CFAP43: variants seen among roughly 807,000 people sequenced by gnomAD.
The protein encoded by CFAP43 is cilia and flagella associated protein 43.
Under a neutral mutation model 218.9 loss-of-function variants are expected in CFAP43, and 155 were observed. The ratio of observed to expected loss-of-function variants is 0.71; its 90% CI spans 0.62 to 0.81. The LOEUF (loss-of-function observed/expected upper bound fraction) is 0.81, where lower values mean the gene tolerates loss of function less well. CFAP43 is among the 30% of genes least tolerant of loss of function. The pLI is 0.00. For synonymous variants in CFAP43, 645 were observed against 681.3 expected (o/e 0.95, Z 0.83); for missense variants, 1,778 against 1,954.3 (o/e 0.91, Z 1.70).
At chr10:104,162,296 G>T (rs373453275) in intron 25 of CFAP43, 21 bp downstream of exon 25, 9 of 1,587,156 alleles carry the variant, frequency 5.7e-6, no homozygotes, top group Middle Eastern at 1.7e-4. Flanking sequence ...CTTAGGACCT[G>T]TGTTAAGCAA....
Position 104,131,472 on chromosome 10 carries a change from TC to T in CFAP43, c.4689del (p.Asn1564MetfsTer21), listed in dbSNP as rs2087189846. On this transcript the variant is annotated frameshift_variant, in exon 37 of 38. Transcript: ENST00000357060. LOFTEE classifies it high-confidence loss of function. ...TIAVLDKMHK[K>X]NVENCKKLLK... is the part of the protein sequence containing the mutation. ...AGTAGTTTCTTGCAGTTTTCCACATTCTTTTTGTGCATCTGAAATTTTTGTT... is the reference window on the plus strand; with the variant it reads ...AGTAGTTTCTTGCAGTTTTCCACATTTTTTTGTGCATCTGAAATTTTTGTT... 1 of 1,607,482 alleles carries T rather than the reference TC, an allele frequency of 6.2e-7. No individual in the cohort carries two copies. The highest frequency in any genetic ancestry group is 2.2e-5 in the East Asian group (1 of 44,764).
chr10:104,227,370 A>G (rs1357248390), intron 2 of CFAP43, among the ~76,000 whole-genome samples: 1 of 152,108 alleles, frequency 6.6e-6, no homozygotes, highest in Non-Finnish European at 1.5e-5. Flanking sequence ...TCACAGAAAG[A>G]CTCTATCAAT....
intron 2 of CFAP43, among the ~76,000 whole-genome samples, chr10:104,226,264 A>C (rs953190155): frequency 1.3e-5 from 2 of 151,926 alleles, no homozygotes; most frequent in African/African-American, 4.8e-5. Context: ...TTGTGTCTCT[A>C]TTGCTTGTTC....
intron 27 of CFAP43, among the ~76,000 whole-genome samples, chr10:104,154,378 G>A (rs1589654464): frequency 6.6e-6 from 1 of 152,082 alleles, no homozygotes; most frequent in East Asian, 1.9e-4. Flanking sequence ...AAATAATAGA[G>A]GCATATGATG....
chr10:104,215,741 T>G (rs1340897036), intron 3 of CFAP43, among the ~76,000 whole-genome samples: 2 of 151,892 alleles, frequency 1.3e-5, no homozygotes, highest in Non-Finnish European at 2.9e-5. Flanking sequence ...GCCCCTCTAC[T>G]CCCTTCTCAA....
intron 16 of CFAP43, among the ~76,000 whole-genome samples, chr10:104,183,459 G>A (rs999862428): frequency 2.0e-5 from 3 of 150,068 alleles, no homozygotes; most frequent in East Asian, 2.0e-4. Flanking sequence ...GTGCAATCTC[G>A]GCTCACTGCA....
chr10:104,225,012 T>C (rs1256424273), intron 3 of CFAP43, among the ~76,000 whole-genome samples: 1 of 152,136 alleles, frequency 6.6e-6, no homozygotes, highest in African/African-American at 2.4e-5. Flanking sequence ...GGATTTCCCA[T>C]ACAGTGGGCA....
At chr10:104,219,463 G>C (rs756539043) in intron 3 of CFAP43, among the ~76,000 whole-genome samples, 16 of 152,068 alleles carry the variant, frequency 1.1e-4, no homozygotes, top group Non-Finnish European at 1.9e-4. Flanking sequence ...GGAAATAATT[G>C]GCTGAAAGGA....
At chr10:104,157,765 TGTGTGTGTGTGAGA>T (rs1156570301) in intron 27 of CFAP43, among the ~76,000 whole-genome samples, 9 of 121,904 alleles carry the variant, frequency 7.4e-5, no homozygotes, top group South Asian at 3.0e-4. Flanking sequence ...TGTGTGTGTG[TGTGTGTGTGTGAGA>T]GAGAGAGAGA....
intron 20 of CFAP43, among the ~76,000 whole-genome samples, chr10:104,169,975 A>G (rs2089339106): frequency 6.6e-6 from 1 of 151,964 alleles, no homozygotes; most frequent in Non-Finnish European, 1.5e-5. Context: ...TCTTCTTCCT[A>G]TCATTGGGAT....
At chr10:104,196,765 T>C (rs1360348204) in intron 10 of CFAP43, 88 bp downstream of exon 10, 2 of 1,116,248 alleles carry the variant, frequency 1.8e-6, no homozygotes, top group Admixed American at 2.5e-5. Flanking sequence ...AACAAGTATT[T>C]CTACAGACTA....
intron 28 of CFAP43, among the ~76,000 whole-genome samples, chr10:104,150,385 T>C (rs2088193643): frequency 6.6e-6 from 1 of 152,190 alleles, no homozygotes; most frequent in African/African-American, 2.4e-5. Context: ...GTCTTGCTGG[T>C]TCTGGGAACA....
intron 35 of CFAP43, chr10:104,132,752 T>C (rs753819940): frequency 8.5e-5 from 84 of 983,866 alleles, no homozygotes; most frequent in Non-Finnish European, 9.4e-5. Flanking sequence ...TCTCATTCAT[T>C]AATTCATTTA....
At chr10:104,171,078 T>C (rs1393256982) in intron 20 of CFAP43, among the ~76,000 whole-genome samples, 1 of 152,214 alleles carries the variant, frequency 6.6e-6, no homozygotes, top group Non-Finnish European at 1.5e-5. Flanking sequence ...GAAGTGGTTT[T>C]CTTTGACCAC....
intron 35 of CFAP43, chr10:104,133,316 G>T: frequency 4.6e-6 from 1 of 217,588 alleles, no homozygotes; most frequent in Non-Finnish European, 8.9e-6. Context: ...AAATTAATTT[G>T]GGGTGATGAA....
intron 6 of CFAP43, among the ~76,000 whole-genome samples, chr10:104,207,403 C>T (rs113662679): frequency 0.012 from 1,761 of 152,240 alleles, 26 homozygotes; most frequent in African/African-American, 0.036. Flanking sequence ...GTCAGCTCCA[C>T]AGTTTACGTG....
intron 16 of CFAP43, 71 bp downstream of exon 16, chr10:104,184,945 T>C (rs904218699): frequency 8.3e-6 from 13 of 1,561,840 alleles, no homozygotes; most frequent in South Asian, 1.2e-5. Flanking sequence ...CTTGCTGTAC[T>C]TAAATAATAA....
intron 14 of CFAP43, among the ~76,000 whole-genome samples, chr10:104,186,587 A>G (rs936717759): frequency 6.6e-6 from 1 of 152,126 alleles, no homozygotes; most frequent in African/African-American, 2.4e-5. Context: ...AGCGCTGCCC[A>G]CCAAAATTGT....
At chr10:104,185,291 G>T in intron 15 of CFAP43, 145 bp from the exon 16 acceptor site, 1 of 1,009,920 alleles carries the variant, frequency 9.9e-7, no homozygotes, top group Non-Finnish European at 1.4e-6. Flanking sequence ...GTAGGCAATT[G>T]GCAATACATA....
Sources: allele counts gnomAD v4.1 joint callset (sites outside exome capture counted in the v4.1 genomes callset), GRCh38; gene constraint gnomAD v4.1.1; transcripts MANE v1.5; gene names NCBI Gene and HGNC (gene_info 2026-07-23, HGNC 2026-07-21).